The following BRPF3 variants were observed in gnomAD, a reference collection of about 807,000 sequenced individuals.
The protein encoded by BRPF3 is bromodomain and PHD finger containing 3, also known as bromodomain and PHD finger-containing protein 3.
In BRPF3, 18 loss-of-function variants were observed where a neutral mutation model predicts 102.0. That is an observed-to-expected ratio of 0.18 (90% confidence interval 0.12 to 0.26). The LOEUF (loss-of-function observed/expected upper bound fraction) is 0.26. Ranked by LOEUF, BRPF3 falls within the 10% of genes least tolerant of loss-of-function variation. The pLI, the probability that BRPF3 is intolerant of heterozygous loss-of-function variation, is 1.00. For synonymous variants in BRPF3, 570 were observed against 614.2 expected, an observed-to-expected ratio of 0.93 and a Z score of 1.06; for missense variants, 1,147 against 1,567.8, an observed-to-expected ratio of 0.73 and a Z score of 4.53.
At chr6:36,204,127 C>G (rs1767818886) in intron 2 of BRPF3, among the ~76,000 whole-genome samples, 1 of 151,982 alleles carries the variant, frequency 6.6e-6, no homozygotes, top group Admixed American at 6.6e-5. Flanking sequence ...AATTAAACAA[C>G]ATTTTTAGGC....
chr6:36,221,281 C>CTTTTTTT (rs35018880), intron 9 of BRPF3, among the ~76,000 whole-genome samples: 2 of 76,726 alleles, frequency 2.6e-5, no homozygotes, highest in Non-Finnish European at 5.1e-5. Flanking sequence ...AATTGGTCTA[C>CTTTTTTT]TTTTTTTTTT....
In BRPF3 at chr6:36,201,378, T is replaced by C. The variant is rs1282456575; in HGVS notation, c.1056T>C (p.Cys352=). 6 of 1,614,056 alleles carry C rather than the reference T, an allele frequency of 3.7e-6. No homozygotes were observed. The South Asian group carries it at 5.5e-5, about 15-fold the overall frequency. Reference sequence around the variant, plus strand: ...GCTACACAGCATTCCATGTGACATGTGCACAGCGGGCTGGGCTCTTCATGA... The same window carrying C: ...GCTACACAGCATTCCATGTGACATGCGCACAGCGGGCTGGGCTCTTCATGA... ...VNCYTAFHVT[C]AQRAGLFMKI... Residue 352 remains cysteine, a synonymous_variant, in exon 2 of 13, where the codon TGT becomes TGC. Coordinates refer to ENST00000357641, the MANE Select transcript of BRPF3 (RefSeq NM_015695.3). The surrounding 1 kb of genome is among the most constrained non-coding windows in gnomAD (Gnocchi z 5.1).
rs1048072681 is a variant in BRPF3, at chr6:36,209,857, A to G, written c.1808A>G (p.Asp603Gly). Residue 603 changes from aspartate (D) to glycine (G), a missense_variant, in exon 5 of 13, where the codon GAC becomes GGC. Around this residue, in one of 11 missense-constraint regions of BRPF3, gnomAD observed 44 missense variants for 38.6 expected, o/e 1.14. Coordinates refer to ENST00000357641, the MANE Select transcript of BRPF3 (RefSeq NM_015695.3). ...PFNVLLRTTL[D>G]LLQEKDPAHI... ...AATGTTCTGTTGAGGACAACACTGGACCTGCTGCAGGAGAAGGATCCTGCA... is the reference window on the plus strand; with the variant it reads ...AATGTTCTGTTGAGGACAACACTGGGCCTGCTGCAGGAGAAGGATCCTGCA... 2 of 1,614,214 alleles carry G rather than the reference A, an allele frequency of 1.2e-6. No individual in the cohort carries two copies. Among genetic ancestry groups the G allele is most frequent in the Non-Finnish European group, 1.7e-6 (2 of 1,180,044 alleles).
At chr6:36,204,618 C>T (rs1767837868) in intron 2 of BRPF3, 40 bp from the exon 3 acceptor site, 2 of 1,613,156 alleles carry the variant, frequency 1.2e-6, no homozygotes, top group African/African-American at 1.3e-5. Flanking sequence ...CTGGGCTGCC[C>T]ACTGACCTTG....
intron 9 of BRPF3, among the ~76,000 whole-genome samples, chr6:36,219,972 C>T (rs1039794432): frequency 1.3e-5 from 2 of 152,188 alleles, no homozygotes; most frequent in African/African-American, 4.8e-5. Flanking sequence ...GATAACTGAA[C>T]ACCTACTGTA....
chr6:36,218,119 C>A, intron 9 of BRPF3, 109 bp downstream of exon 9: 1 of 913,124 alleles, frequency 1.1e-6, no homozygotes, highest in Non-Finnish European at 1.7e-6. Context: ...TCTCTTCCCC[C>A]ACTCCTGCTA....
chr6:36,210,369 A>G lies in BRPF3; in HGVS notation c.2020A>G (p.Ile674Val), dbSNP rs750056886. ...CATGAAGTATAATGCTAAAGACACA[A>G]TTTTCCACCGAGCAGCTGTCCGCCT... is the stretch of plus-strand genomic sequence containing the variant. ...NCMKYNAKDT[I>V]FHRAAVRLRD... Residue 674 changes from isoleucine (I) to valine (V), a missense_variant, in exon 6 of 13, where the codon ATT becomes GTT. Coordinates refer to ENST00000357641, the MANE Select transcript of BRPF3 (RefSeq NM_015695.3). This position sits in a 1 kb window ranked among gnomAD's most constrained non-coding sequence, Gnocchi z 4.7. The G allele has an allele frequency of 1.2e-6, 2 of 1,614,114 alleles. No individual in the cohort carries two copies. The highest frequency in any genetic ancestry group is 1.7e-5 in the Admixed American group (1 of 60,028).
intron 1 of BRPF3, 105 bp downstream of exon 1, chr6:36,197,075 C>G (rs1364629631): frequency 6.9e-6 from 1 of 145,146 alleles, no homozygotes; most frequent in East Asian, 2.1e-4. Flanking sequence ...GGGGGCTTTC[C>G]GAGCAGGGCG....
chr6:36,217,101 C>T (rs1768355501), intron 8 of BRPF3, among the ~76,000 whole-genome samples: 1 of 152,156 alleles, frequency 6.6e-6, no homozygotes, highest in South Asian at 2.1e-4. Context: ...GGTCATATAC[C>T]TGGGATGACC....
chr6:36,200,283 CCTT>C lies in BRPF3; in HGVS notation c.-26-11_-26-9del. On this transcript the variant is annotated splice_polypyrimidine_tract_variant and intron_variant, in intron 1 of 12. Transcript: ENST00000357641. The surrounding 1 kb of genome is among the most constrained non-coding windows in gnomAD (Gnocchi z 5.3). Reference sequence around the variant, plus strand: ...GGGCATCCAACTCATAGTCTCCTGGCCTTCTCTCCTTAGGCCTGTCCCCTCAGT... The same window carrying C: ...GGGCATCCAACTCATAGTCTCCTGGCCTCTCCTTAGGCCTGTCCCCTCAGT... The C allele has an allele frequency of 6.3e-7, 1 of 1,577,824 alleles. No individual in the cohort carries two copies. The highest frequency in any genetic ancestry group is 1.2e-5 in the South Asian group (1 of 85,490).
Position 36,213,952 on chromosome 6 carries a change from C to G in BRPF3, c.2555C>G (p.Ser852Cys). 6.2e-7 allele frequency: 1 copy of G among 1,613,214 alleles called. No individual in the cohort carries two copies. The highest frequency in any genetic ancestry group is 8.5e-7 in the Non-Finnish European group (1 of 1,179,404). ...GPAPSLSEQE[S>C]PPEPPTLKPI... ...GCACCTTCCTTGTCTGAGCAAGAAT[C>G]CCCCCCGGAGCCCCCTACTCTGAAA... Residue 852 changes from serine to cysteine, a missense_variant, in exon 8 of 13, where the codon TCC (serine) becomes TGC (cysteine). Ser to Cys is a moderately radical substitution (Grantham distance 112, BLOSUM62 -1). Coordinates refer to ENST00000357641, the MANE Select transcript of BRPF3 (RefSeq NM_015695.3).
chr6:36,202,563 G>T (rs1167543727), intron 2 of BRPF3, among the ~76,000 whole-genome samples: 1 of 152,040 alleles, frequency 6.6e-6, no homozygotes, highest in Non-Finnish European at 1.5e-5. Context: ...CTCATCTCAG[G>T]GGTGGTGTTC....
intron 2 of BRPF3, 198 bp from the exon 3 acceptor site, chr6:36,204,460 T>G (rs1031566808): frequency 3.4e-5 from 21 of 616,212 alleles, no homozygotes; most frequent in Middle Eastern, 2.6e-4. Context: ...GAAAAGCAAA[T>G]GAAATAACTC....
At chr6:36,207,784 G>A (rs1767957918) in intron 4 of BRPF3, among the ~76,000 whole-genome samples, 1 of 152,212 alleles carries the variant, frequency 6.6e-6, no homozygotes, top group Non-Finnish European at 1.5e-5. Flanking sequence ...GGCATCATCA[G>A]TTGAAAGCCT....
Position 36,200,379 on chromosome 6 carries a change from C to T in BRPF3, c.57C>T (p.Ser19=). 1.2e-6 allele frequency: 2 copies of T among 1,614,242 alleles called. No individual in the cohort carries two copies. Among genetic ancestry groups the T allele is most frequent in the South Asian group, 1.1e-5 (1 of 91,086 alleles). ...ATGCCGAGGGCCGGCGTTCCCCGTC[C>T]CCCTACAGTCTCAAGTGCTCACCCA... is the stretch of plus-strand genomic sequence containing the variant. ...RQNAEGRRSP[S]PYSLKCSPTR... Residue 19 remains serine (S), a synonymous_variant, in exon 2 of 13, where the codon TCC becomes TCT. Transcript: ENST00000357641. This position sits in a 1 kb window ranked among gnomAD's most constrained non-coding sequence, Gnocchi z 5.3.
chr6:36,199,476 C>T (rs1386527705), intron 1 of BRPF3, among the ~76,000 whole-genome samples: 1 of 152,114 alleles, frequency 6.6e-6, no homozygotes, highest in African/African-American at 2.4e-5. Context: ...GCCCTTAGAC[C>T]ATGTATCATA....
Position 36,214,340 on chromosome 6 carries a change from T to G in BRPF3, c.2943T>G (p.Cys981Trp), listed in dbSNP as rs776886899. The G allele has an allele frequency of 1.2e-6, 2 of 1,611,060 alleles. No individual in the cohort carries two copies. Among genetic ancestry groups the G allele is most frequent in the Non-Finnish European group, 8.5e-7 (1 of 1,178,868 alleles). Reference protein sequence around the residue: ...HSRKRPRSRSCSESEGERSPQ... With the variant: ...HSRKRPRSRSWSESEGERSPQ... Reference sequence around the variant, plus strand: ...GGAAGCGGCCAAGGAGCAGGAGCTGTAGTGAGAGCGAAGGGGAGAGGTCCC... The same window carrying G: ...GGAAGCGGCCAAGGAGCAGGAGCTGGAGTGAGAGCGAAGGGGAGAGGTCCC... Residue 981 changes from cysteine to tryptophan, a missense_variant, in exon 8 of 13, where the codon TGT becomes TGG. Coordinates refer to ENST00000357641, the MANE Select transcript of BRPF3 (RefSeq NM_015695.3).
rs1468673747 is a variant in BRPF3, at chr6:36,204,682, C to T, written c.1473C>T (p.Leu491=). Residue 491 remains leucine (L), a synonymous_variant, in exon 3 of 13, where the codon CTC becomes CTT. Transcript: ENST00000357641. ...GGTTGAACAAGATCTGTAGTGGTCT[C>T]TCCTTTCAGAGGAAAAACCAGTTTA... The part of the protein sequence containing the change: ...SYRLNKICSG[L]SFQRKNQFMQ... 5 of 1,614,208 alleles carry T rather than the reference C, an allele frequency of 3.1e-6. No individual in the cohort carries two copies. Among genetic ancestry groups the T allele is most frequent in the East Asian group, 2.2e-5 (1 of 44,892 alleles).
At position 36,232,627 on chromosome 6, in the gene BRPF3, C is replaced by T. The variant is rs1251286500; in HGVS notation, c.*2018C>T. On this transcript the variant is annotated 3_prime_UTR_variant, in exon 13 of 13. Coordinates refer to ENST00000357641, the MANE Select transcript of BRPF3 (RefSeq NM_015695.3). ...ATGCTCTATTTATTGTAGAGAGTGA[C>T]TTTATTTGCTTTCTAGAATTGTTTA... The T allele has an allele frequency of 6.6e-6, 1 of 152,608 alleles. No individual in the cohort carries two copies. The highest frequency in any genetic ancestry group is 1.5e-5 in the Non-Finnish European group (1 of 68,034). The allele number at this position is 152,608 out of a possible 1,614,324, so 9.5% of individuals were successfully genotyped here.
Sources: gnomAD v4.1 joint callset for allele counts (sites outside exome capture counted in the v4.1 genomes callset) on GRCh38, gnomAD v4.1.1 for gene constraint, gnomAD v4.1.1 regional missense constraint, Gnocchi (gnomAD v3.1) non-coding constraint, MANE v1.5 for transcripts, NCBI Gene and HGNC (gene_info 2026-07-23, HGNC 2026-07-21) for gene names.